ARL15: variants seen among roughly 807,000 people sequenced by gnomAD.
ARL15 encodes the protein ADP-ribosylation factor-like protein 15.
In ARL15, 19 loss-of-function variants were observed where a neutral mutation model predicts 25.2. The observed-to-expected ratio is 0.75, with a 90% CI of 0.53 to 1.10. The LOEUF is 1.10. Ranked by LOEUF, ARL15 falls within the 50% of genes least tolerant of loss-of-function variation. ARL15 has a pLI of 0.00. For missense variants in ARL15, 220 were observed against 246.0 expected (o/e 0.89, Z 0.71); for synonymous variants, 94 against 86.8 (o/e 1.08, Z -0.46).
chr5:54,296,089 T>C (rs1057382664), intron 1 of ARL15, among the ~76,000 whole-genome samples: 5 of 152,162 alleles, frequency 3.3e-5, no homozygotes, highest in Admixed American at 3.3e-4. Context: ...TGCCAGGACC[T>C]TTCACCCTGT....
chr5:54,160,245 G>T (rs780473970), intron 2 of ARL15, among the ~76,000 whole-genome samples: 7 of 152,314 alleles, frequency 4.6e-5, no homozygotes, highest in African/African-American at 7.2e-5. Flanking sequence ...TCCTTTAAAA[G>T]ATATCAAAAT....
chr5:54,261,802 G>A (rs1364990572), intron 1 of ARL15, among the ~76,000 whole-genome samples: 3 of 152,048 alleles, frequency 2.0e-5, no homozygotes, highest in Non-Finnish European at 2.9e-5. Flanking sequence ...GAGGGTGGGG[G>A]TCACTTGCTC....
intron 4 of ARL15, among the ~76,000 whole-genome samples, chr5:54,085,057 C>T (rs1346340529): frequency 6.6e-6 from 1 of 152,246 alleles, no homozygotes; most frequent in African/African-American, 2.4e-5. Flanking sequence ...AATTATAGAA[C>T]AAATATATCT....
chr5:54,010,459 C>T (rs150366773), intron 4 of ARL15, among the ~76,000 whole-genome samples: 71 of 152,248 alleles, frequency 4.7e-4, no homozygotes, highest in African/African-American at 9.9e-4. Flanking sequence ...ACATTCAAGA[C>T]AAACAGTCTC....
intron 4 of ARL15, among the ~76,000 whole-genome samples, chr5:53,993,573 C>T (rs1311364831): frequency 6.6e-6 from 1 of 152,150 alleles, no homozygotes; most frequent in Non-Finnish European, 1.5e-5. Flanking sequence ...GCACCTTTTA[C>T]CTTGCCTATT....
At chr5:54,025,393 G>C (rs1046097321) in intron 4 of ARL15, among the ~76,000 whole-genome samples, 6 of 151,942 alleles carry the variant, frequency 3.9e-5, no homozygotes, top group Non-Finnish European at 7.4e-5. Flanking sequence ...ATTCTGTAAG[G>C]AAACAGAGAA....
intron 4 of ARL15, among the ~76,000 whole-genome samples, chr5:53,922,934 TGAC>T (rs1306746429): frequency 6.6e-6 from 1 of 152,224 alleles, no homozygotes; most frequent in African/African-American, 2.4e-5. Context: ...GCTGACTGAC[TGAC>T]ATTTATTGAA....
intron 4 of ARL15, among the ~76,000 whole-genome samples, chr5:54,084,312 G>GC (rs1161382031): frequency 6.6e-6 from 1 of 151,874 alleles, no homozygotes; most frequent in African/African-American, 2.4e-5. Flanking sequence ...TGATAGAGTG[G>GC]CTGGGTGGGG....
intron 3 of ARL15, among the ~76,000 whole-genome samples, chr5:54,139,786 C>A (rs547448508): frequency 1.3e-5 from 2 of 152,086 alleles, no homozygotes; most frequent in South Asian, 4.2e-4. Flanking sequence ...GAGCTGAGAT[C>A]GTCCCACTGC....
chr5:53,892,789 A>G (rs1744761403), intron 4 of ARL15, among the ~76,000 whole-genome samples: 1 of 151,822 alleles, frequency 6.6e-6, no homozygotes, highest in East Asian at 1.9e-4. Flanking sequence ...TATTTTTTGT[A>G]GAGACATTAT....
intron 4 of ARL15, among the ~76,000 whole-genome samples, chr5:54,029,336 CACCA>C (rs1749895242): frequency 1.0e-5 from 1 of 95,486 alleles, no homozygotes; most frequent in Admixed American, 9.1e-5. Flanking sequence ...CCACCACTAC[CACCA>C]CCACCACCAC....
At chr5:54,241,301 C>G (rs1430360636) in intron 1 of ARL15, among the ~76,000 whole-genome samples, 1 of 151,994 alleles carries the variant, frequency 6.6e-6, no homozygotes, top group East Asian at 1.9e-4. Context: ...TCCAGATTAC[C>G]AGAGTAATCT....
At chr5:53,927,388 C>T (rs750797602) in intron 4 of ARL15, among the ~76,000 whole-genome samples, 17 of 152,132 alleles carry the variant, frequency 1.1e-4, no homozygotes, top group Non-Finnish European at 2.1e-4. Flanking sequence ...CGTGCACCAC[C>T]CTTATGTTTT....
At position 53,886,368 on chromosome 5, in the gene ARL15, A is replaced by C. The variant is rs1256316276; in HGVS notation, c.*193T>G. 8.5e-6 allele frequency: 5 copies of C among 585,042 alleles called. No individual in the cohort carries two copies. Among genetic ancestry groups the C allele is most frequent in the Non-Finnish European group, 1.5e-5 (5 of 341,432 alleles). The allele number at this position is 585,042 out of a possible 1,614,324, so 36.2% of individuals were successfully genotyped here. Reference sequence around the variant, plus strand: ...AATAAATTCTCTCTCAGTAGTGTGTACTTGACGTTAATGCCGATGATAATT... The same window carrying C: ...AATAAATTCTCTCTCAGTAGTGTGTCCTTGACGTTAATGCCGATGATAATT... On this transcript the variant is annotated 3_prime_UTR_variant, in exon 5 of 5. Coordinates refer to ENST00000504924, the MANE Select transcript of ARL15 (RefSeq NM_019087.3).
chr5:54,147,866 T>C (rs776114002), intron 3 of ARL15, among the ~76,000 whole-genome samples: 1 of 152,226 alleles, frequency 6.6e-6, no homozygotes, highest in Non-Finnish European at 1.5e-5. Context: ...TATTGATTTA[T>C]ATTGTCTTTA....
chr5:54,257,809 G>A (rs947104303), intron 1 of ARL15, among the ~76,000 whole-genome samples: 18 of 152,130 alleles, frequency 1.2e-4, no homozygotes, highest in African/African-American at 3.9e-4. Context: ...AACAGGGATA[G>A]GTACTTGTTT....
At chr5:53,982,227 G>C (rs1051298477) in intron 4 of ARL15, among the ~76,000 whole-genome samples, 4 of 148,048 alleles carry the variant, frequency 2.7e-5, no homozygotes, top group Non-Finnish European at 4.5e-5. Context: ...ACATACATGT[G>C]CAGAAGGTGC....
chr5:53,950,046 C>G (rs1220124678), intron 4 of ARL15, among the ~76,000 whole-genome samples: 3 of 152,100 alleles, frequency 2.0e-5, no homozygotes, highest in Non-Finnish European at 2.9e-5. Context: ...ATGTGAAAAA[C>G]AAATAAGTAA....
chr5:53,920,650 A>ATAAT (rs1455155097), intron 4 of ARL15, among the ~76,000 whole-genome samples: 3 of 79,582 alleles, frequency 3.8e-5, no homozygotes, highest in East Asian at 3.3e-4. Flanking sequence ...CTATTAAAAA[A>ATAAT]TAATAAATAA....
Sources: allele counts gnomAD v4.1 joint callset (sites outside exome capture counted in the v4.1 genomes callset), GRCh38; gene constraint gnomAD v4.1.1; transcripts MANE v1.5; gene names NCBI Gene and HGNC (gene_info 2026-07-23, HGNC 2026-07-21).